Variants in ST3GAL2 observed in about 807,000 individuals in gnomAD.
The protein encoded by ST3GAL2 is ST3 beta-galactoside alpha-2,3-sialyltransferase 2.
A neutral mutation model predicts 37.5 loss-of-function variants in ST3GAL2; 16 were observed. The observed-to-expected ratio is 0.43, with a 90% CI of 0.29 to 0.65. ST3GAL2 has a LOEUF of 0.65. Among genes scored for constraint, ST3GAL2 ranks in the 30% least tolerant of loss-of-function variants. ST3GAL2 has a pLI of 0.17. For missense variants in ST3GAL2, 383 were observed against 487.8 expected (o/e 0.79, Z 2.02); for synonymous variants, 238 against 202.9 (o/e 1.17, Z -1.47).
Position 70,380,983 on chromosome 16 carries a change from C to T in ST3GAL2, c.*706G>A, listed in dbSNP as rs531436098. ...TCGAGGGCACACGTGAGTGACAGCA[C>T]CTTGCACTGAAGGGGACAGGGCTTC... On this transcript the variant is annotated 3_prime_UTR_variant, in exon 7 of 7. Coordinates refer to ENST00000342907, the MANE Select transcript of ST3GAL2 (RefSeq NM_006927.4). 9.4e-4 allele frequency: 144 copies of T among 152,670 alleles called. 1 individual carries two copies. The highest frequency in any genetic ancestry group is 5.0e-4 in the Non-Finnish European group (34 of 68,360). 9.5% of individuals were successfully genotyped at this position (152,670 alleles called of 1,614,324 possible).
At position 70,418,475 on chromosome 16, in the gene ST3GAL2, G is replaced by A. The variant is rs575446618; in HGVS notation, c.-1003-18942C>T. Among the ~76,000 whole-genome samples the A allele has an allele frequency of 2.2e-4, 34 of 152,260 alleles. 1 individual carries two copies. The South Asian group carries it at 3.9e-3, about 18-fold the overall frequency. On this transcript the variant is annotated intron_variant, in intron 1 of 6. Coordinates refer to ENST00000342907, the MANE Select transcript of ST3GAL2 (RefSeq NM_006927.4). The stretch of plus-strand genomic sequence containing the variant: ...GAGGCTTTTCCCTCTGTAAGGAGGC[G>A]GAGCTGGTGACAGGAATACTAACCA...
chr16:70,436,464 A>G (rs1209174361), intron 1 of ST3GAL2, among the ~76,000 whole-genome samples: 2 of 151,704 alleles, frequency 1.3e-5, no homozygotes, highest in African/African-American at 4.8e-5. Flanking sequence ...AAAAGAAAAA[A>G]AAAAAAAAAA....
At chr16:70,392,853 T>A (rs962325228) in intron 3 of ST3GAL2, among the ~76,000 whole-genome samples, 1 of 152,106 alleles carries the variant, frequency 6.6e-6, no homozygotes, top group African/African-American at 2.4e-5. Flanking sequence ...GGTGCCATCA[T>A]AGCTCACCAC....
At chr16:70,385,595 T>A (rs1453933048) in intron 4 of ST3GAL2, among the ~76,000 whole-genome samples, 2 of 151,070 alleles carry the variant, frequency 1.3e-5, no homozygotes, top group African/African-American at 4.9e-5. Context: ...GATTAATGGT[T>A]GCCTAGGGCT....
In ST3GAL2 at chr16:70,439,022, TCGCCGCCGCCGC is replaced by T. The variant is rs567688682; in HGVS notation, c.-1089_-1078del. The T allele has an allele frequency of 1.9e-4, 30 of 157,436 alleles. 1 individual carries two copies. Among genetic ancestry groups the T allele is most frequent in the South Asian group, 1.6e-3 (9 of 5,522 alleles). The allele number at this position is 157,436 out of a possible 1,614,324, so 9.8% of individuals were successfully genotyped here. Reference sequence around the variant, plus strand: ...CCGCCGCCGCCCGCGCAGAAAGCCGTCGCCGCCGCCGCCGCCGCCGCCGCCGTCGTCCGGACC... The same window carrying T: ...CCGCCGCCGCCCGCGCAGAAAGCCGTCGCCGCCGCCGCCGTCGTCCGGACC... On this transcript the variant is annotated 5_prime_UTR_variant, in exon 1 of 7. Transcript: ENST00000342907.
At position 70,381,631 on chromosome 16, in the gene ST3GAL2, C is replaced by A. The variant is rs1304393130; in HGVS notation, c.*58G>T. 3.8e-6 allele frequency: 6 copies of A among 1,582,538 alleles called. No individual in the cohort carries two copies. The highest frequency in any genetic ancestry group is 1.8e-4 in the Middle Eastern group (1 of 5,418). ...GGTCGCGGGTTGCTGGTCCTGGGTCCCGGGCCGGAGCCCCGGTGCCCGATA... is the reference window on the plus strand; with the variant it reads ...GGTCGCGGGTTGCTGGTCCTGGGTCACGGGCCGGAGCCCCGGTGCCCGATA... On this transcript the variant is annotated 3_prime_UTR_variant, in exon 7 of 7. Transcript: ENST00000342907.
chr16:70,437,450 C>T (rs1039093059), intron 1 of ST3GAL2, among the ~76,000 whole-genome samples: 5 of 151,994 alleles, frequency 3.3e-5, no homozygotes, highest in African/African-American at 9.7e-5. Context: ...CCACCCAACC[C>T]ACTGGGAAAC....
At chr16:70,434,386 G>A (rs1267807815) in intron 1 of ST3GAL2, among the ~76,000 whole-genome samples, 5 of 149,710 alleles carry the variant, frequency 3.3e-5, no homozygotes, top group South Asian at 4.2e-4. Context: ...GCAGTGAGCC[G>A]AGATCACACC....
chr16:70,398,277 A>C lies in ST3GAL2; in HGVS notation c.254T>G (p.Phe85Cys). 6.2e-7 allele frequency: 1 copy of C among 1,613,320 alleles called. No homozygotes were observed. The highest frequency in any genetic ancestry group is 8.5e-7 in the Non-Finnish European group (1 of 1,180,032). ...CMGDAGASDWFDSHFDGNISP... is the reference protein window; with the variant it reads ...CMGDAGASDWCDSHFDGNISP... ...AATGTTACCGTCAAAGTGGCTGTCAAACCAGTCGGAGGCACCGGCATCGCC... is the reference window on the plus strand; with the variant it reads ...AATGTTACCGTCAAAGTGGCTGTCACACCAGTCGGAGGCACCGGCATCGCC... The change falls in exon 2 of 7, where the codon TTT becomes TGT. Residue 85 changes from phenylalanine to cysteine, a missense_variant. By Grantham distance (205) the Phe-to-Cys change is radical (BLOSUM62 -2). This residue lies in a region of ST3GAL2 where 223 missense variants were observed against 239.1 expected (regional missense o/e 0.93). Transcript: ENST00000342907.
At chr16:70,403,228 G>A (rs2047567848) in intron 1 of ST3GAL2, among the ~76,000 whole-genome samples, 2 of 152,248 alleles carry the variant, frequency 1.3e-5, no homozygotes, top group South Asian at 4.1e-4. Flanking sequence ...CCATGGGGAA[G>A]GGAAGAGGGG....
chr16:70,387,969 G>A (rs138057127), intron 4 of ST3GAL2, among the ~76,000 whole-genome samples: 69 of 151,966 alleles, frequency 4.5e-4, no homozygotes, highest in African/African-American at 1.6e-3. Flanking sequence ...AAAATTAGCC[G>A]GGCGTGGTGG....
Position 70,399,106 on chromosome 16 carries a change from G to A in ST3GAL2, c.-576C>T. On this transcript the variant is annotated 5_prime_UTR_variant, in exon 2 of 7. Transcript: ENST00000342907. The stretch of plus-strand genomic sequence containing the variant: ...AACCTCTGCCAGAGGAGGGGAGCCA[G>A]ACCCCAACCCTGAGAGGACAAAAAC... 1 of 400,822 alleles carries A rather than the reference G, an allele frequency of 2.5e-6. No individual in the cohort carries two copies. The highest frequency in any genetic ancestry group is 4.4e-6 in the Non-Finnish European group (1 of 227,628). 24.8% of individuals were successfully genotyped at this position (400,822 alleles called of 1,614,324 possible).
chr16:70,398,138 T>C, intron 2 of ST3GAL2, 54 bp downstream of exon 2: 1 of 1,570,868 alleles, frequency 6.4e-7, no homozygotes, highest in Non-Finnish European at 8.7e-7. Context: ...GAGGGGGCTC[T>C]GAGTGGCTCT....
At chr16:70,397,853 T>G (rs1271731867) in intron 2 of ST3GAL2, among the ~76,000 whole-genome samples, 1 of 151,970 alleles carries the variant, frequency 6.6e-6, no homozygotes, top group Non-Finnish European at 1.5e-5. Context: ...TCCAGCCTTG[T>G]GCAGCAACAA....
chr16:70,386,945 T>C (rs1264410529), intron 4 of ST3GAL2, among the ~76,000 whole-genome samples: 2 of 150,422 alleles, frequency 1.3e-5, no homozygotes, highest in Admixed American at 6.6e-5. Context: ...TGCCCGGCCA[T>C]GAAAATGTTT....
intron 1 of ST3GAL2, among the ~76,000 whole-genome samples, chr16:70,437,337 G>C (rs1381838541): frequency 6.6e-6 from 1 of 152,118 alleles, no homozygotes; most frequent in Non-Finnish European, 1.5e-5. Context: ...CAAGGGGGAG[G>C]GCTGGGAAGG....
chr16:70,436,143 T>A (rs1348340000), intron 1 of ST3GAL2, among the ~76,000 whole-genome samples: 2 of 132,186 alleles, frequency 1.5e-5, no homozygotes. Context: ...AAAAAAGACA[T>A]CTGGCCAGGA....
rs1464196680 is a variant in ST3GAL2, at chr16:70,381,145, T to G, written c.*544A>C. 2 of 152,402 alleles carry G rather than the reference T, an allele frequency of 1.3e-5. No homozygotes were observed. The highest frequency in any genetic ancestry group is 4.8e-5 in the African/African-American group (2 of 41,434). 9.4% of individuals were successfully genotyped at this position (152,402 alleles called of 1,614,324 possible). A position where few individuals can be genotyped will look rare whatever the true frequency, so the allele number is the denominator to read the frequency against. ...CAGCCATCCCACAGCGCGGCCGAGG[T>G]GGGACTGGGGGTCCCGCAGCGACCG... is the stretch of plus-strand genomic sequence containing the variant. On this transcript the variant is annotated 3_prime_UTR_variant, in exon 7 of 7. Transcript: ENST00000342907.
chr16:70,408,723 G>C (rs1270004158), intron 1 of ST3GAL2, among the ~76,000 whole-genome samples: 5 of 151,682 alleles, frequency 3.3e-5, no homozygotes. Context: ...GCCGCCCAGA[G>C]TTTGTAGCCA....
Sources: gnomAD v4.1 joint callset for allele counts (sites outside exome capture counted in the v4.1 genomes callset) on GRCh38, gnomAD v4.1.1 for gene constraint, gnomAD v4.1.1 regional missense constraint, MANE v1.5 for transcripts, NCBI Gene and HGNC (gene_info 2026-07-23, HGNC 2026-07-21) for gene names.